ZDHHC18: variants seen among roughly 807,000 people sequenced by gnomAD.
The protein encoded by ZDHHC18 is palmitoyltransferase ZDHHC18.
A neutral mutation model predicts 37.5 loss-of-function variants in ZDHHC18; 23 were observed. The observed-to-expected ratio is 0.61, with a 90% CI of 0.44 to 0.87. The LOEUF (loss-of-function observed/expected upper bound fraction) is 0.87. Among genes scored for constraint, ZDHHC18 ranks in the 40% least tolerant of loss-of-function variants. The pLI, the probability that ZDHHC18 is intolerant of heterozygous loss-of-function variation, is 0.00. For synonymous variants in ZDHHC18, 185 were observed against 218.7 expected (o/e 0.85, Z 1.36); for missense variants, 406 against 525.6 (o/e 0.77, Z 2.22).
intron 2 of ZDHHC18, among the ~76,000 whole-genome samples, chr1:26,844,089 G>A (rs2081651657): frequency 1.3e-5 from 2 of 152,030 alleles, no homozygotes. Context: ...ACCCAGACTG[G>A]AGTGCAATGG....
intron 2 of ZDHHC18, among the ~76,000 whole-genome samples, chr1:26,842,959 C>G (rs879788321): frequency 4.6e-5 from 7 of 152,120 alleles, no homozygotes; most frequent in Admixed American, 1.3e-4. Flanking sequence ...CCAGGAGACT[C>G]AGACTTCTTT....
Position 26,826,901 on chromosome 1 carries a change from C to G in ZDHHC18, c.97C>G (p.Pro33Ala). The G allele has an allele frequency of 1.0e-6, 1 of 984,860 alleles. No homozygotes were observed. The highest frequency in any genetic ancestry group is 4.5e-5 in the South Asian group (1 of 22,098). 61.0% of individuals were successfully genotyped at this position (984,860 alleles called of 1,614,324 possible). The change falls in exon 1 of 8, where the codon CCG (proline) becomes GCG (alanine). Residue 33 changes from proline (P) to alanine (A), a missense_variant. Transcript: ENST00000374142. The surrounding 1 kb of genome is among the most constrained non-coding windows in gnomAD (Gnocchi z 5.2). ...TCCCGGCCCCGCCGCGTCCCCGACT[C>G]CGGGCCCCGGGCCCGCGCCGCCCGC... is the stretch of plus-strand genomic sequence containing the variant. ...RRPGPAASPT[P>A]GPGPAPPAAP... is the part of the protein sequence containing the mutation.
Position 26,850,400 on chromosome 1 carries a change from C to T in ZDHHC18, c.746C>T (p.Ala249Val), listed in dbSNP as rs2081696434. The part of the protein sequence containing the change: ...AFILSLSFLT[A>V]FIFACVVTHL... The stretch of plus-strand genomic sequence containing the variant: ...ATTCTCTCCCTCTCATTCCTGACGG[C>T]CTTCATCTTCGCCTGTGTGGTCACC... Residue 249 changes from alanine (A) to valine (V), a missense_variant, in exon 4 of 8, where the codon GCC becomes GTC. Ala to Val is a moderately conservative substitution (Grantham distance 64, BLOSUM62 0). Coordinates refer to ENST00000374142, the MANE Select transcript of ZDHHC18 (RefSeq NM_032283.3). The surrounding 1 kb of genome is among the most constrained non-coding windows in gnomAD (Gnocchi z 6.1). 4 of 1,614,260 alleles carry T rather than the reference C, an allele frequency of 2.5e-6. No individual in the cohort carries two copies. Among genetic ancestry groups the T allele is most frequent in the Non-Finnish European group, 3.4e-6 (4 of 1,180,048 alleles).
At chr1:26,841,681 G>A (rs1310480474) in intron 2 of ZDHHC18, among the ~76,000 whole-genome samples, 1 of 152,088 alleles carries the variant, frequency 6.6e-6, no homozygotes, top group Non-Finnish European at 1.5e-5. Flanking sequence ...GCTGCTGGGG[G>A]TTCTGCATCC....
chr1:26,839,030 C>T (rs2081626098), intron 2 of ZDHHC18, among the ~76,000 whole-genome samples: 1 of 152,270 alleles, frequency 6.6e-6, no homozygotes, highest in Non-Finnish European at 1.5e-5. Flanking sequence ...AGGGCCTTCT[C>T]AGCAGCCCGC....
chr1:26,839,540 T>C (rs937924844), intron 2 of ZDHHC18, among the ~76,000 whole-genome samples: 1 of 152,158 alleles, frequency 6.6e-6, no homozygotes, highest in Admixed American at 6.6e-5. Context: ...AGTGAACAAA[T>C]GAGTGCCCTG....
rs116745433 is a variant in ZDHHC18 at position 26,853,836 on chromosome 1, A to G, written c.1160A>G (p.His387Arg). ...AKPDASMVGG[H>R]P is the part of the protein sequence containing the mutation. ...CCTGATGCCAGCATGGTAGGAGGCC[A>G]CCCCTGACCACGGCTCAGTACTTGC... Residue 387 changes from histidine to arginine, a missense_variant, in exon 8 of 8, where the codon CAC becomes CGC. Physicochemically the swap from His to Arg is conservative, Grantham distance 29. Coordinates refer to ENST00000374142, the MANE Select transcript of ZDHHC18 (RefSeq NM_032283.3). The G allele has an allele frequency of 6.2e-7, 1 of 1,613,164 alleles. No individual in the cohort carries two copies. Among genetic ancestry groups the G allele is most frequent in the Non-Finnish European group, 8.5e-7 (1 of 1,179,944 alleles).
chr1:26,831,600 A>G (rs1424213522), intron 1 of ZDHHC18, among the ~76,000 whole-genome samples: 2 of 152,226 alleles, frequency 1.3e-5, no homozygotes, highest in Non-Finnish European at 2.9e-5. Flanking sequence ...ACCAGTGTCC[A>G]GAACTTCTAG....
chr1:26,848,615 A>G lies in ZDHHC18; in HGVS notation c.504A>G (p.Thr168=). 1.9e-6 allele frequency: 3 copies of G among 1,611,468 alleles called. No individual in the cohort carries two copies. The highest frequency in any genetic ancestry group is 2.5e-6 in the Non-Finnish European group (3 of 1,177,768). ...AAALEKQIDN[T]GSSTYRPPPR... ...CTCTCCTCCTTCCCTCAGACAACAC[A>G]GGCAGTTCTACATACCGGCCACCCC... Residue 168 remains threonine (T), a synonymous_variant, in exon 3 of 8, where the codon ACA becomes ACG. Coordinates refer to ENST00000374142, the MANE Select transcript of ZDHHC18 (RefSeq NM_032283.3).
At chr1:26,840,304 G>A (rs2081631468) in intron 2 of ZDHHC18, among the ~76,000 whole-genome samples, 2 of 152,224 alleles carry the variant, frequency 1.3e-5, no homozygotes, top group Admixed American at 6.5e-5. Context: ...GGAATGCAAT[G>A]TTTTGTGGAA....
chr1:26,828,986 T>C (rs2081571814), intron 1 of ZDHHC18, among the ~76,000 whole-genome samples: 1 of 152,198 alleles, frequency 6.6e-6, no homozygotes, highest in African/African-American at 2.4e-5. Context: ...GGACCTTCTC[T>C]GGGTTGACCG....
chr1:26,827,573 C>T (rs2081564446), intron 1 of ZDHHC18, among the ~76,000 whole-genome samples: 1 of 152,086 alleles, frequency 6.6e-6, no homozygotes, highest in Admixed American at 6.6e-5. Context: ...CAAGTTCTTT[C>T]TGACCCTTGT....
chr1:26,835,406 A>T (rs1317991702), intron 2 of ZDHHC18, among the ~76,000 whole-genome samples: 1 of 152,236 alleles, frequency 6.6e-6, no homozygotes, highest in Non-Finnish European at 1.5e-5. Context: ...TAATTAAAGT[A>T]AAACATATTT....
chr1:26,845,077 AC>A, intron 2 of ZDHHC18, among the ~76,000 whole-genome samples: 1 of 151,888 alleles, frequency 6.6e-6, no homozygotes, highest in African/African-American at 2.4e-5. Context: ...GGCATGCGCC[AC>A]CATGCCCGGC....
rs556702036 is a variant in ZDHHC18 at position 26,852,882 on chromosome 1, C to T, written c.1049+17C>T. The T allele has an allele frequency of 1.4e-4, 230 of 1,610,422 alleles. 4 individuals are homozygous for T. In the South Asian group the frequency reaches 2.3e-3, roughly 16 times the overall value. ...ACCTCCCAGGTAAGTGAGCGGGGTG[C>T]GGAAGAGGGGTAACAGGGCCATGCC... On this transcript the variant is annotated intron_variant, in intron 7 of 7. Transcript: ENST00000374142.
intron 2 of ZDHHC18, among the ~76,000 whole-genome samples, chr1:26,839,640 C>G (rs927182341): frequency 6.6e-6 from 1 of 152,198 alleles, no homozygotes; most frequent in African/African-American, 2.4e-5. Flanking sequence ...GATCCCCTTG[C>G]CTAGCCCAGA....
At chr1:26,851,994 C>G (rs1043773642) in intron 6 of ZDHHC18, among the ~76,000 whole-genome samples, 4 of 152,216 alleles carry the variant, frequency 2.6e-5, no homozygotes, top group Admixed American at 1.3e-4. Context: ...CTGATACTTA[C>G]CAGCAACCCA....
chr1:26,831,561 T>G (rs1318848225), intron 1 of ZDHHC18, among the ~76,000 whole-genome samples: 1 of 152,204 alleles, frequency 6.6e-6, no homozygotes. Context: ...AGAGCCCTGA[T>G]AGCTTCACTA....
At chr1:26,846,267 GAT>G (rs1182788376) in intron 2 of ZDHHC18, among the ~76,000 whole-genome samples, 28 of 99,820 alleles carry the variant, frequency 2.8e-4, no homozygotes, top group African/African-American at 8.3e-4. Context: ...TCTCTATAGA[GAT>G]ATATGTGTGT....
Sources: gnomAD v4.1 joint callset for allele counts (sites outside exome capture counted in the v4.1 genomes callset) on GRCh38, gnomAD v4.1.1 for gene constraint, Gnocchi (gnomAD v3.1) non-coding constraint, MANE v1.5 for transcripts, NCBI Gene and HGNC (gene_info 2026-07-23, HGNC 2026-07-21) for gene names.